GABRQ: variants seen among roughly 807,000 people sequenced by gnomAD.
GABRQ encodes the protein gamma-aminobutyric acid receptor subunit theta.
Under a neutral mutation model 30.5 loss-of-function variants are expected in GABRQ, and 19 were observed. The observed-to-expected ratio is 0.62, with a 90% CI of 0.43 to 0.91. The LOEUF is 0.91. Among genes scored for constraint, GABRQ ranks in the 40% least tolerant of loss-of-function variants. The pLI, the probability that GABRQ is intolerant of heterozygous loss-of-function variation, is 0.00. For missense variants in GABRQ, 520 were observed against 521.4 expected, an observed-to-expected ratio of 1.00 and a Z score of 0.03; for synonymous variants, 187 against 210.2, an observed-to-expected ratio of 0.89 and a Z score of 0.95.
intron 8 of GABRQ, 145 bp from the exon 9 acceptor site, chrX:152,652,396 C>A: frequency 5.6e-6 from 3 of 535,495 alleles, no homozygotes; most frequent in African/African-American, 2.3e-5. Flanking sequence ...CACCAGAGAC[C>A]CCAAGAGGAG....
chrX:152,645,409 C>A, intron 2 of GABRQ, 118 bp from the exon 3 acceptor site: 1 of 494,888 alleles, frequency 2.0e-6, no homozygotes, highest in South Asian at 3.0e-5. Context: ...GTGACTTACT[C>A]AGGATCACAC....
Position 152,645,647 on chromosome X carries a change from C to T in GABRQ, c.306+53C>T, listed in dbSNP as rs183267300. The T allele has an allele frequency of 3.1e-3, 2,196 of 709,612 alleles. 4 individuals carry two copies. Among genetic ancestry groups the T allele is most frequent in the Non-Finnish European group, 3.6e-3 (1,608 of 443,905 alleles). 58.5% of individuals were successfully genotyped at this position (709,612 alleles called of 1,213,427 possible). ...TTGGGAACAGAGGACATGGAACAAG[C>T]AGCAGGCTTATAATCCAAGTCCAGT... is the stretch of plus-strand genomic sequence containing the variant. On this transcript the variant is annotated intron_variant, in intron 3 of 8. Transcript: ENST00000598523.
intron 2 of GABRQ, among the ~76,000 whole-genome samples, chrX:152,644,381 A>G (rs1556818891): frequency 2.3e-4 from 26 of 112,515 alleles, no homozygotes; most frequent in Non-Finnish European, 1.9e-5. Flanking sequence ...ATACTCACAG[A>G]TTCACTCACC....
chrX:152,638,380 G>A, intron 1 of GABRQ, 29 bp downstream of exon 1: 2 of 1,196,695 alleles, frequency 1.7e-6, no homozygotes, highest in Non-Finnish European at 2.3e-6. Context: ...GCTAGGCACG[G>A]CGGGGACGGG....
In GABRQ at chrX:152,638,300, A is replaced by C. The variant is rs1556817746; in HGVS notation, c.98A>C (p.His33Pro). 9.1e-6 allele frequency: 11 copies of C among 1,210,911 alleles called. No homozygotes were observed. The highest frequency in any genetic ancestry group is 1.2e-5 in the Non-Finnish European group (11 of 894,614). The change falls in exon 1 of 9, where the codon CAC becomes CCC. Residue 33 changes from histidine to proline, a missense_variant. Coordinates refer to ENST00000598523, the MANE Select transcript of GABRQ (RefSeq NM_018558.4). ...GNYPSPIPKF[H>P]FEFSSAVPEV... ...TACCCCAGTCCCATCCCGAAATTCC[A>C]CTTCGAGTTCTCCTCTGCTGTGCCC... is the stretch of plus-strand genomic sequence containing the variant.
At chrX:152,650,247 C>G (rs1162853533) in intron 6 of GABRQ, among the ~76,000 whole-genome samples, 181 bp from the exon 7 acceptor site, 1 of 112,141 alleles carries the variant, frequency 8.9e-6, no homozygotes, top group Non-Finnish European at 1.9e-5. Context: ...GCTCATGCGC[C>G]TACTGAGATA....
rs782497880 is a variant in GABRQ, at chrX:152,640,433, AGATAC to A, written c.209_213del (p.Tyr70CysfsTer24). 1 of 1,198,318 alleles carries A rather than the reference AGATAC, an allele frequency of 8.3e-7. No individual in the cohort carries two copies. Among genetic ancestry groups the A allele is most frequent in the East Asian group, 3.0e-5 (1 of 33,814 alleles). The stretch of plus-strand genomic sequence containing the variant: ...AAAGATTTTGGACAGGGTGCTGTCA[AGATAC>A]GATGTCCGCCTGAGACCGAATTTTG... On this transcript the variant is annotated frameshift_variant, in exon 2 of 9. Coordinates refer to ENST00000598523, the MANE Select transcript of GABRQ (RefSeq NM_018558.4). LOFTEE classifies it high-confidence loss of function.
chrX:152,644,122 C>A (rs1395179872), intron 2 of GABRQ, among the ~76,000 whole-genome samples: 1 of 111,824 alleles, frequency 8.9e-6, no homozygotes, highest in African/African-American at 3.3e-5. Flanking sequence ...AACACACATA[C>A]CCACAAACAC....
rs1931036587 is a variant in GABRQ, at chrX:152,652,078, G to T, written c.1158+296G>T. ...GCTTCCAGAGCAGGCAATGAAGCTG[G>T]AAGGGAAGATGGGCGCAGGGAGACT... On this transcript the variant is annotated intron_variant, in intron 8 of 8. Transcript: ENST00000598523. Among the ~76,000 whole-genome samples the T allele has an allele frequency of 1.8e-5, 2 of 112,917 alleles. 1 individual carries two copies. Among genetic ancestry groups the T allele is most frequent in the African/African-American group, 6.4e-5 (2 of 31,148 alleles).
At position 152,654,649 on chromosome X, in the gene GABRQ, A is replaced by ACT. The variant is rs5904340; in HGVS notation, c.*1371_*1372dup. Reference sequence around the variant, plus strand: ...CGTGACGTGAGCAGATGGAGAACACACTCTGCCCACTGAGCAGGGCCCCTA... The same window carrying ACT: ...CGTGACGTGAGCAGATGGAGAACACACTCTCTGCCCACTGAGCAGGGCCCCTA... On this transcript the variant is annotated 3_prime_UTR_variant, in exon 9 of 9. Coordinates refer to ENST00000598523, the MANE Select transcript of GABRQ (RefSeq NM_018558.4). 55,526 of 110,077 alleles carry ACT rather than the reference A, an allele frequency of 0.5. 10,698 individuals carry two copies. The highest frequency in any genetic ancestry group is 0.7 in the African/African-American group (21,066 of 30,143). 9.1% of individuals were successfully genotyped at this position (110,077 alleles called of 1,213,427 possible). A position where few individuals can be genotyped will look rare whatever the true frequency, so the allele number is the denominator to read the frequency against.
Position 152,650,443 on chromosome X carries a change from T to C in GABRQ, c.764T>C (p.Leu255Pro), listed in dbSNP as rs782343829. ...TCCTTGCCAGGTTCCTACATACGCCTGATACTGAAGTTCCAGGTTCAGAGG... is the reference window on the plus strand; with the variant it reads ...TCCTTGCCAGGTTCCTACATACGCCCGATACTGAAGTTCCAGGTTCAGAGG... ...VYFYTGSYIR[L>P]ILKFQVQREV... The change falls in exon 7 of 9, where the codon CTG becomes CCG. Residue 255 changes from leucine to proline, a missense_variant. Leu to Pro is a moderately conservative substitution (Grantham distance 98). Coordinates refer to ENST00000598523, the MANE Select transcript of GABRQ (RefSeq NM_018558.4). The C allele has an allele frequency of 9.4e-5, 114 of 1,207,043 alleles. No homozygotes were observed. The highest frequency in any genetic ancestry group is 1.3e-4 in the Non-Finnish European group (113 of 893,400).
rs958078016 is a variant in GABRQ, at chrX:152,651,912, C to T, written c.1158+130C>T. 40 of 543,606 alleles carry T rather than the reference C, an allele frequency of 7.4e-5. No homozygotes were observed. In the South Asian group the frequency reaches 1.1e-3, roughly 15 times the overall value. 44.8% of individuals were successfully genotyped at this position (543,606 alleles called of 1,213,427 possible). On this transcript the variant is annotated intron_variant, in intron 8 of 8. Coordinates refer to ENST00000598523, the MANE Select transcript of GABRQ (RefSeq NM_018558.4). ...CACACATGCGCGCACACGCAAAACA[C>T]ACACACACAACATATAACAAAGAAG...
chrX:152,640,947 C>T (rs1370663352), intron 2 of GABRQ, among the ~76,000 whole-genome samples: 1 of 111,011 alleles, frequency 9.0e-6, no homozygotes, highest in Admixed American at 9.6e-5. Flanking sequence ...GGCACTTCCA[C>T]CTCAGCTCCC....
At chrX:152,651,821 C>T (rs370519346) in intron 8 of GABRQ, 39 bp downstream of exon 8, 1 of 1,177,765 alleles carries the variant, frequency 8.5e-7, no homozygotes, top group Non-Finnish European at 1.1e-6. Flanking sequence ...TCCCTGAGCA[C>T]CTCTTGAGCC....
chrX:152,639,982 G>A (rs140874288), intron 1 of GABRQ, among the ~76,000 whole-genome samples: 4 of 111,720 alleles, frequency 3.6e-5, no homozygotes, highest in South Asian at 7.6e-4. Flanking sequence ...AGAAAACAGC[G>A]TCGAGGCTGA....
chrX:152,639,095 T>A (rs1930685073), intron 1 of GABRQ, among the ~76,000 whole-genome samples: 1 of 111,433 alleles, frequency 9.0e-6, no homozygotes, highest in African/African-American at 3.3e-5. Context: ...TGGCCACAGA[T>A]CCTGAGCGTT....
At chrX:152,658,029 G>A (rs934667080), downstream of GABRQ, among the ~76,000 whole-genome samples, 6 of 112,144 alleles carry the variant, frequency 5.4e-5, no homozygotes, top group African/African-American at 1.9e-4. Context: ...AAACAAAAGG[G>A]AGTAGAAATA....
At chrX:152,640,536 T>C in intron 2 of GABRQ, 70 bp downstream of exon 2, 1 of 645,698 alleles carries the variant, frequency 1.5e-6, no homozygotes, top group Non-Finnish European at 2.6e-6. Context: ...AAGCCAGCCC[T>C]GCCCTGTAAG....
At chrX:152,644,308 G>T (rs978249920) in intron 2 of GABRQ, among the ~76,000 whole-genome samples, 1 of 111,908 alleles carries the variant, frequency 8.9e-6, no homozygotes, top group African/African-American at 3.3e-5. Flanking sequence ...ACTTATGCAT[G>T]GGCGTGCTCA....
Sources: gnomAD v4.1 joint callset for allele counts (sites outside exome capture counted in the v4.1 genomes callset) on GRCh38, gnomAD v4.1.1 for gene constraint, MANE v1.5 for transcripts, NCBI Gene and HGNC (gene_info 2026-07-23, HGNC 2026-07-21) for gene names.